NUP50: variants seen among roughly 807,000 people sequenced by gnomAD.
NUP50 encodes the protein nuclear pore complex protein Nup50.
In NUP50, 14 loss-of-function variants were observed where a neutral mutation model predicts 36.8. The observed-to-expected ratio is 0.38, with a 90% CI of 0.25 to 0.59. NUP50 has a LOEUF of 0.59. Ranked by LOEUF, NUP50 falls within the 20% of genes least tolerant of loss-of-function variation. The pLI, the probability that NUP50 is intolerant of heterozygous loss-of-function variation, is 0.63. For synonymous variants in NUP50, 195 were observed against 210.8 expected, an observed-to-expected ratio of 0.93 and a Z score of 0.65; for missense variants, 455 against 564.6, an observed-to-expected ratio of 0.81 and a Z score of 1.97.
chr22:45,166,784 C>T (rs549626237), intron 1 of NUP50, among the ~76,000 whole-genome samples: 5 of 139,792 alleles, frequency 3.6e-5, no homozygotes, highest in South Asian at 2.3e-4. Flanking sequence ...CAAAACTTAA[C>T]CAAGTGTTTT....
rs1387747753 is a variant in NUP50, at chr22:45,186,729, A to G, written c.*2074A>G. The G allele has an allele frequency of 6.6e-6, 1 of 152,556 alleles. No individual in the cohort carries two copies. The highest frequency in any genetic ancestry group is 1.5e-5 in the Non-Finnish European group (1 of 68,032). The allele number at this position is 152,556 out of a possible 1,614,324, so 9.5% of individuals were successfully genotyped here. A position where few individuals can be genotyped will look rare whatever the true frequency, so the allele number is the denominator to read the frequency against. On this transcript the variant is annotated 3_prime_UTR_variant, in exon 8 of 8. Coordinates refer to ENST00000347635, the MANE Select transcript of NUP50 (RefSeq NM_007172.4). ...GCAAATTTTTGCTGCTAAGACTATC[A>G]CTGTTAAAGTGAAAATTACAGGGAA...
Position 45,185,517 on chromosome 22 carries a change from T to C in NUP50, c.*862T>C, listed in dbSNP as rs963885500. Reference sequence around the variant, plus strand: ...AAGATGCGCATAGGCATTTGTACCATGATCAACCCCACGCACATGAAAACT... The same window carrying C: ...AAGATGCGCATAGGCATTTGTACCACGATCAACCCCACGCACATGAAAACT... On this transcript the variant is annotated 3_prime_UTR_variant, in exon 8 of 8. Transcript: ENST00000347635. 1 of 151,928 alleles carries C rather than the reference T, an allele frequency of 6.6e-6. No homozygotes were observed. The highest frequency in any genetic ancestry group is 2.4e-5 in the African/African-American group (1 of 41,378). The allele number at this position is 151,928 out of a possible 1,614,324, so 9.4% of individuals were successfully genotyped here.
intron 3 of NUP50, among the ~76,000 whole-genome samples, chr22:45,174,364 A>AG (rs1035242219): frequency 4.6e-5 from 7 of 151,900 alleles, no homozygotes; most frequent in South Asian, 2.1e-4. Context: ...TTTTGTAGAC[A>AG]GGGGGTCTCA....
chr22:45,177,899 C>T (rs1276989851), intron 4 of NUP50: 31 of 231,014 alleles, frequency 1.3e-4, no homozygotes, highest in Middle Eastern at 3.2e-3. Context: ...GAGTCCGAGG[C>T]GGGCAGATCA....
At chr22:45,176,180 G>A (rs999510847) in intron 4 of NUP50, 100 bp downstream of exon 4, 1 of 1,301,750 alleles carries the variant, frequency 7.7e-7, no homozygotes. Flanking sequence ...TCTTGGAACT[G>A]TGTGAGCAAA....
In NUP50 at chr22:45,178,286, A is replaced by G. The variant is rs1006214148; in HGVS notation, c.389A>G (p.Asn130Ser). The G allele has an allele frequency of 6.2e-7, 1 of 1,613,996 alleles. No individual in the cohort carries two copies. ...ACCACCTTGGTTGATAAAGTTTCAA[A>G]TCCCAAAACTAATGGGGACAGTCAG... The part of the protein sequence containing the change: ...GPTTLVDKVS[N>S]PKTNGDSQQP... The change falls in exon 5 of 8, where the codon AAT (asparagine) becomes AGT (serine). Residue 130 changes from asparagine (N) to serine (S), a missense_variant. This residue lies in a region of NUP50 where 166 missense variants were observed against 202.8 expected (regional missense o/e 0.82). Coordinates refer to ENST00000347635, the MANE Select transcript of NUP50 (RefSeq NM_007172.4).
intron 3 of NUP50, 29 bp from the exon 4 acceptor site, chr22:45,175,865 C>A (rs1204742720): frequency 6.2e-7 from 1 of 1,610,106 alleles, no homozygotes; most frequent in Non-Finnish European, 8.5e-7. Flanking sequence ...GTACACTTAC[C>A]TAATGTGTGC....
At chr22:45,169,555 A>G (rs1305826533) in intron 2 of NUP50, among the ~76,000 whole-genome samples, 1 of 152,246 alleles carries the variant, frequency 6.6e-6, no homozygotes, top group Non-Finnish European at 1.5e-5. Context: ...TAGTATAAAC[A>G]TTACTAGTCA....
chr22:45,178,242 T>C lies in NUP50; in HGVS notation c.345T>C (p.Ser115=), dbSNP rs2074307421. The part of the protein sequence containing the change: ...AAADPKVAFG[S]LAANGPTTLV... Reference sequence around the variant, plus strand: ...TCAATTATTAACTTTCTATAGGTTCTCTTGCTGCAAATGGCCCTACCACCT... The same window carrying C: ...TCAATTATTAACTTTCTATAGGTTCCCTTGCTGCAAATGGCCCTACCACCT... Residue 115 remains serine, a synonymous_variant, in exon 5 of 8, where the codon TCT becomes TCC. Transcript: ENST00000347635. The C allele has an allele frequency of 1.9e-6, 3 of 1,612,124 alleles. No individual in the cohort carries two copies. The highest frequency in any genetic ancestry group is 2.5e-6 in the Non-Finnish European group (3 of 1,178,886).
chr22:45,183,769 A>G, intron 7 of NUP50: 1 of 415,124 alleles, frequency 2.4e-6, no homozygotes. Flanking sequence ...AAGAAGCTAG[A>G]GATTAGACCA....
chr22:45,168,603 T>C (rs951697884), intron 2 of NUP50, among the ~76,000 whole-genome samples: 2 of 152,210 alleles, frequency 1.3e-5, no homozygotes, highest in Middle Eastern at 3.2e-3. Flanking sequence ...AAGGCTGAGT[T>C]AAGTGATGTA....
rs200342779 is a variant in NUP50, at chr22:45,178,361, C to T, written c.464C>T (p.Ala155Val). The change falls in exon 5 of 8, where the codon GCC becomes GTC. Residue 155 changes from alanine to valine, a missense_variant. Transcript: ENST00000347635. ...TCCAGTAAAGCTTGTGTCGGAAATG[C>T]CTATCACAAGCAGTTGGCCGCCTTG... is the stretch of plus-strand genomic sequence containing the variant. The part of the protein sequence containing the change: ...LASSKACVGN[A>V]YHKQLAALNC... 5.2e-5 allele frequency: 84 copies of T among 1,613,840 alleles called. No homozygotes were observed. The highest frequency in any genetic ancestry group is 6.9e-5 in the Non-Finnish European group (81 of 1,179,846).
rs1395541667 is a variant in NUP50 at position 45,187,528 on chromosome 22, G to A, written c.*2873G>A. ...CAAGTTTTCACTGAGAGCCTTTTCA[G>A]TAAAAGTTAAACAAGTTTGTTTTTT... On this transcript the variant is annotated 3_prime_UTR_variant, in exon 8 of 8. Transcript: ENST00000347635. 3 of 152,068 alleles carry A rather than the reference G, an allele frequency of 2.0e-5. No homozygotes were observed. The highest frequency in any genetic ancestry group is 4.4e-5 in the Non-Finnish European group (3 of 68,022). The allele number at this position is 152,068 out of a possible 1,614,324, so 9.4% of individuals were successfully genotyped here.
At chr22:45,181,441 T>A in intron 6 of NUP50, 74 bp downstream of exon 6, 1 of 922,834 alleles carries the variant, frequency 1.1e-6, no homozygotes, top group Non-Finnish European at 1.6e-6. Context: ...GAGAATGTCC[T>A]CACGGCACTT....
chr22:45,168,159 A>G lies in NUP50; in HGVS notation c.-10-9A>G, dbSNP rs375301148. ...AGAAAAATAAACTCTTCTGTTTTCTATAACTTAGGTTCGAAAACATGGCCA... is the reference window on the plus strand; with the variant it reads ...AGAAAAATAAACTCTTCTGTTTTCTGTAACTTAGGTTCGAAAACATGGCCA... On this transcript the variant is annotated splice_polypyrimidine_tract_variant and intron_variant, in intron 1 of 7. Transcript: ENST00000347635. 16 of 1,592,854 alleles carry G rather than the reference A, an allele frequency of 1.0e-5. No homozygotes were observed. The highest frequency in any genetic ancestry group is 3.4e-5 in the South Asian group (3 of 87,414).
intron 6 of NUP50, among the ~76,000 whole-genome samples, chr22:45,182,782 G>C (rs1181832428): frequency 6.6e-6 from 1 of 151,522 alleles, no homozygotes; most frequent in Non-Finnish European, 1.5e-5. Context: ...CCGCCACCAC[G>C]CTCAGCTAAT....
At chr22:45,173,880 A>G (rs1007826587) in intron 3 of NUP50, among the ~76,000 whole-genome samples, 6 of 152,240 alleles carry the variant, frequency 3.9e-5, no homozygotes, top group African/African-American at 1.4e-4. Flanking sequence ...AAATCCACAG[A>G]TAATTTTAGC....
At chr22:45,171,573 T>C in intron 2 of NUP50, 27 bp from the exon 3 acceptor site, 1 of 1,593,860 alleles carries the variant, frequency 6.3e-7, no homozygotes, top group Non-Finnish European at 8.6e-7. Context: ...TTTATCTTAC[T>C]GCTGCTTAAT....
chr22:45,170,584 A>G (rs1306949311), intron 2 of NUP50, among the ~76,000 whole-genome samples: 8 of 152,148 alleles, frequency 5.3e-5, no homozygotes, highest in Admixed American at 2.6e-4. Context: ...ATCTCCTCAC[A>G]TATGTTTAGG....
Sources: gnomAD v4.1 joint callset for allele counts (sites outside exome capture counted in the v4.1 genomes callset) on GRCh38, gnomAD v4.1.1 for gene constraint, gnomAD v4.1.1 regional missense constraint, MANE v1.5 for transcripts, NCBI Gene and HGNC (gene_info 2026-07-23, HGNC 2026-07-21) for gene names.